The following IFNA8 variants were observed in gnomAD, a reference collection of about 807,000 sequenced individuals.
IFNA8 encodes the protein interferon alpha 8, also known as interferon alpha-8.
For missense variants in IFNA8, 246 were observed against 212.3 expected (o/e 1.16, Z -0.99); for synonymous variants, 91 against 84.4 (o/e 1.08, Z -0.43).
At position 21,409,430 on chromosome 9, in the gene IFNA8, A is replaced by G. The variant is rs1246754886; in HGVS notation, c.254A>G (p.Gln85Arg). 6.2e-7 allele frequency: 1 copy of G among 1,614,028 alleles called. No individual in the cohort carries two copies. The highest frequency in any genetic ancestry group is 8.5e-7 in the Non-Finnish European group (1 of 1,179,998). Residue 85 changes from glutamine (Q) to arginine (R), a missense_variant, in exon 1 of 1, where the codon CAG becomes CGG. Coordinates refer to ENST00000380205, the MANE Select transcript of IFNA8 (RefSeq NM_002170.4). Reference protein sequence around the residue: ...QAISVLHEMIQQTFNLFSTKD... With the variant: ...QAISVLHEMIRQTFNLFSTKD... The stretch of plus-strand genomic sequence containing the variant: ...ATCTCTGTCCTCCATGAGATGATCC[A>G]GCAGACCTTCAACCTCTTCAGCACA...
Position 21,409,361 on chromosome 9 carries a change from C to A in IFNA8, c.185C>A (p.Pro62His). 1 of 1,614,070 alleles carries A rather than the reference C, an allele frequency of 6.2e-7. No homozygotes were observed. Among genetic ancestry groups the A allele is most frequent in the African/African-American group, 1.3e-5 (1 of 75,020 alleles). The change falls in exon 1 of 1, where the codon CCC (proline) becomes CAC (histidine). Residue 62 changes from proline (P) to histidine (H), a missense_variant. Physicochemically the swap from Pro to His is moderately conservative, Grantham distance 77. Coordinates refer to ENST00000380205, the MANE Select transcript of IFNA8 (RefSeq NM_002170.4). ...CLKDRHDFEFPQEEFDDKQFQ... is the reference protein window; with the variant it reads ...CLKDRHDFEFHQEEFDDKQFQ... ...AAGGACAGACATGACTTTGAATTCC[C>A]CCAGGAGGAGTTTGATGATAAACAG...
chr9:21,409,357 T>A lies in IFNA8; in HGVS notation c.181T>A (p.Phe61Ile). 2 of 1,614,084 alleles carry A rather than the reference T, an allele frequency of 1.2e-6. No homozygotes were observed. Among genetic ancestry groups the A allele is most frequent in the Non-Finnish European group, 1.7e-6 (2 of 1,179,972 alleles). Reference sequence around the variant, plus strand: ...CCTGAAGGACAGACATGACTTTGAATTCCCCCAGGAGGAGTTTGATGATAA... The same window carrying A: ...CCTGAAGGACAGACATGACTTTGAAATCCCCCAGGAGGAGTTTGATGATAA... ...SCLKDRHDFE[F>I]PQEEFDDKQF... Residue 61 changes from phenylalanine to isoleucine, a missense_variant, in exon 1 of 1, where the codon TTC (phenylalanine) becomes ATC (isoleucine). By Grantham distance (21) the Phe-to-Ile change is conservative (BLOSUM62 0). Transcript: ENST00000380205.
rs749813454 is a variant in IFNA8, at chr9:21,409,341, C to T, written c.165C>T (p.Asp55=). Reference sequence around the variant, plus strand: ...TCTCTCCTTTCTCCTGCCTGAAGGACAGACATGACTTTGAATTCCCCCAGG... The same window carrying T: ...TCTCTCCTTTCTCCTGCCTGAAGGATAGACATGACTTTGAATTCCCCCAGG... The part of the protein sequence containing the change: ...RRISPFSCLK[D]RHDFEFPQEE... Residue 55 remains aspartate (D), a synonymous_variant, in exon 1 of 1, where the codon GAC becomes GAT. Transcript: ENST00000380205. 1 of 1,614,070 alleles carries T rather than the reference C, an allele frequency of 6.2e-7. No individual in the cohort carries two copies. Among genetic ancestry groups the T allele is most frequent in the Admixed American group, 1.7e-5 (1 of 60,012 alleles).
In IFNA8 at chr9:21,409,409, C is replaced by T; in HGVS notation, c.233C>T (p.Ser78Phe). The T allele has an allele frequency of 6.2e-7, 1 of 1,614,114 alleles. No individual in the cohort carries two copies. The change falls in exon 1 of 1, where the codon TCT becomes TTT. Residue 78 changes from serine to phenylalanine, a missense_variant. Ser to Phe is a radical substitution (Grantham distance 155). Transcript: ENST00000380205. ...DKQFQKAQAI[S>F]VLHEMIQQTF... ...CAGTTCCAGAAGGCTCAAGCCATCT[C>T]TGTCCTCCATGAGATGATCCAGCAG...
rs565695456 is a variant in IFNA8 at position 21,409,949 on chromosome 9, A to T, written c.*203A>T. The T allele has an allele frequency of 1.3e-5, 6 of 465,300 alleles. 1 individual carries two copies. In the East Asian group the frequency reaches 2.2e-4, roughly 17 times the overall value. 28.8% of individuals were successfully genotyped at this position (465,300 alleles called of 1,614,324 possible). On this transcript the variant is annotated 3_prime_UTR_variant, in exon 1 of 1. Transcript: ENST00000380205. ...CCCTTACAGATGACCATGCTGATGG[A>T]TCTATTCATCTATTTATTTAAATCT...
chr9:21,409,623 A>T lies in IFNA8; in HGVS notation c.447A>T (p.Arg149Ser). 1 of 1,613,938 alleles carries T rather than the reference A, an allele frequency of 6.2e-7. No individual in the cohort carries two copies. The highest frequency in any genetic ancestry group is 8.5e-7 in the Non-Finnish European group (1 of 1,179,854). The change falls in exon 1 of 1, where the codon AGA becomes AGT. Residue 149 changes from arginine to serine, a missense_variant. Physicochemically the swap from Arg to Ser is moderately radical, Grantham distance 110. Transcript: ENST00000380205. ...TGGCTGTGAGGAAATACTTCCAAAG[A>T]ATCACTCTATATCTGACAGAGAAGA... ...SILAVRKYFQ[R>S]ITLYLTEKKY...
rs1287779791 is a variant in IFNA8, at chr9:21,409,132, G to T, written c.-45G>T. 3 of 1,540,440 alleles carry T rather than the reference G, an allele frequency of 1.9e-6. No individual in the cohort carries two copies. Among genetic ancestry groups the T allele is most frequent in the Non-Finnish European group, 2.7e-6 (3 of 1,117,228 alleles). On this transcript the variant is annotated 5_prime_UTR_variant, in exon 1 of 1. It adds an upstream start codon to the 5' untranslated region. Transcript: ENST00000380205. ...CAAAGTCTTCAGAGACCCAGGTTAA[G>T]GGTCATCCATCTGAACCAGCTCAGC...
In IFNA8 at chr9:21,409,121, A is replaced by G. The variant is rs73649600; in HGVS notation, c.-56A>G. 8.6e-4 allele frequency: 1,248 copies of G among 1,455,410 alleles called. 8 individuals are homozygous for G. The African/African-American group carries it at 0.015, about 18-fold the overall frequency. The allele number at this position is 1,455,410 out of a possible 1,614,324, so 90.2% of individuals were successfully genotyped here. A position where few individuals can be genotyped will look rare whatever the true frequency, so the allele number is the denominator to read the frequency against. On this transcript the variant is annotated 5_prime_UTR_variant, in exon 1 of 1. Transcript: ENST00000380205. ...GGTGTACAAACCAAAGTCTTCAGAG[A>G]CCCAGGTTAAGGGTCATCCATCTGA...
Position 21,409,859 on chromosome 9 carries a change from A to C in IFNA8, c.*113A>C. 1 of 974,512 alleles carries C rather than the reference A, an allele frequency of 1.0e-6. No homozygotes were observed. The highest frequency in any genetic ancestry group is 1.6e-6 in the Non-Finnish European group (1 of 637,664). The allele number at this position is 974,512 out of a possible 1,614,324, so 60.4% of individuals were successfully genotyped here. A position where few individuals can be genotyped will look rare whatever the true frequency, so the allele number is the denominator to read the frequency against. On this transcript the variant is annotated 3_prime_UTR_variant, in exon 1 of 1. Transcript: ENST00000380205. ...CTGCCAAAACCATGCTATGAATTGAATCAAATGTGTCAAGTGTTTTCAGGA... is the reference window on the plus strand; with the variant it reads ...CTGCCAAAACCATGCTATGAATTGACTCAAATGTGTCAAGTGTTTTCAGGA...
rs776474533 is a variant in IFNA8, at chr9:21,409,382, A to G, written c.206A>G (p.Lys69Arg). ...TTCCCCCAGGAGGAGTTTGATGATA[A>G]ACAGTTCCAGAAGGCTCAAGCCATC... Reference protein sequence around the residue: ...FEFPQEEFDDKQFQKAQAISV... With the variant: ...FEFPQEEFDDRQFQKAQAISV... Residue 69 changes from lysine to arginine, a missense_variant, in exon 1 of 1, where the codon AAA (lysine) becomes AGA (arginine). Transcript: ENST00000380205. 1 of 1,614,034 alleles carries G rather than the reference A, an allele frequency of 6.2e-7. No individual in the cohort carries two copies. Among genetic ancestry groups the G allele is most frequent in the South Asian group, 1.1e-5 (1 of 91,078 alleles).
At position 21,409,182 on chromosome 9, in the gene IFNA8, C is replaced by G. The variant is rs1818009412; in HGVS notation, c.6C>G (p.Ala2=). The change falls in exon 1 of 1, where the codon GCC becomes GCG. Residue 2 remains alanine, a synonymous_variant. Transcript: ENST00000380205. The part of the protein sequence containing the change: M[A]LTFYLLVALV... ...CAGCATCCACAACATCTACAATGGC[C>G]TTGACTTTTTATTTACTGGTGGCCC... The G allele has an allele frequency of 1.9e-6, 3 of 1,613,684 alleles. No individual in the cohort carries two copies. Among genetic ancestry groups the G allele is most frequent in the African/African-American group, 1.3e-5 (1 of 74,894 alleles).
chr9:21,409,476 G>C lies in IFNA8; in HGVS notation c.300G>C (p.Leu100Phe). 1 of 1,614,042 alleles carries C rather than the reference G, an allele frequency of 6.2e-7. No homozygotes were observed. Among genetic ancestry groups the C allele is most frequent in the Non-Finnish European group, 8.5e-7 (1 of 1,179,972 alleles). ...GCACAAAGGACTCATCTGCTGCTTT[G>C]GATGAGACCCTTCTAGATGAATTCT... is the stretch of plus-strand genomic sequence containing the variant. ...LFSTKDSSAA[L>F]DETLLDEFYI... is the part of the protein sequence containing the mutation. The change falls in exon 1 of 1, where the codon TTG (leucine) becomes TTC (phenylalanine). Residue 100 changes from leucine (L) to phenylalanine (F), a missense_variant. Transcript: ENST00000380205.
the IFNA8 span, chr9:21,409,584 CGA>C: frequency 1.2e-6 from 2 of 1,613,938 alleles, no homozygotes; most frequent in Non-Finnish European, 1.7e-6. Context: ...CCCTGATGTA[CGA>C]GGACTCCATC....
chr9:21,409,303 C>T, the IFNA8 span: 1 of 1,614,054 alleles, frequency 6.2e-7, no homozygotes, highest in South Asian at 1.1e-5. Context: ...ACTCCTGGCA[C>T]AAATGCGAAG....
Position 21,409,551 on chromosome 9 carries a change from G to A in IFNA8, c.375G>A (p.Gln125=). The part of the protein sequence containing the change: ...QLNDLESCVM[Q]EVGVIESPLM... ...ATGACCTGGAGTCCTGTGTGATGCA[G>A]GAAGTGGGGGTGATAGAGTCTCCCC... Residue 125 remains glutamine, a synonymous_variant, in exon 1 of 1, where the codon CAG becomes CAA. Coordinates refer to ENST00000380205, the MANE Select transcript of IFNA8 (RefSeq NM_002170.4). 2 of 1,614,032 alleles carry A rather than the reference G, an allele frequency of 1.2e-6. No homozygotes were observed. Among genetic ancestry groups the A allele is most frequent in the Non-Finnish European group, 1.7e-6 (2 of 1,179,942 alleles).
Position 21,409,786 on chromosome 9 carries a change from C to G in IFNA8, c.*40C>G. The G allele has an allele frequency of 6.5e-7, 1 of 1,538,226 alleles. No homozygotes were observed. The highest frequency in any genetic ancestry group is 1.1e-5 in the South Asian group (1 of 88,054). ...CGGAAATGATTCTTATAGACTAATA[C>G]AGCAGCTCACACTTCGACAAGTTGT... On this transcript the variant is annotated 3_prime_UTR_variant, in exon 1 of 1. Transcript: ENST00000380205.
Position 21,409,193 on chromosome 9 carries a change from A to T in IFNA8, c.17A>T (p.Tyr6Phe). ...ACATCTACAATGGCCTTGACTTTTT[A>T]TTTACTGGTGGCCCTAGTGGTGCTC... MALTF[Y>F]LLVALVVLSY... The change falls in exon 1 of 1, where the codon TAT becomes TTT. Residue 6 changes from tyrosine to phenylalanine, a missense_variant. Coordinates refer to ENST00000380205, the MANE Select transcript of IFNA8 (RefSeq NM_002170.4). 6.2e-7 allele frequency: 1 copy of T among 1,613,804 alleles called. No homozygotes were observed. The highest frequency in any genetic ancestry group is 1.1e-5 in the South Asian group (1 of 91,060).
chr9:21,409,315 A>C lies in IFNA8; in HGVS notation c.139A>C (p.Ile47Leu), dbSNP rs777602673. Residue 47 changes from isoleucine to leucine, a missense_variant, in exon 1 of 1, where the codon ATC (isoleucine) becomes CTC (leucine). Transcript: ENST00000380205. ...ALILLAQMRRISPFSCLKDRH... is the reference protein window; with the variant it reads ...ALILLAQMRRLSPFSCLKDRH... ...GATACTCCTGGCACAAATGCGAAGAATCTCTCCTTTCTCCTGCCTGAAGGA... is the reference window on the plus strand; with the variant it reads ...GATACTCCTGGCACAAATGCGAAGACTCTCTCCTTTCTCCTGCCTGAAGGA... 1 of 1,614,092 alleles carries C rather than the reference A, an allele frequency of 6.2e-7. No homozygotes were observed. Among genetic ancestry groups the C allele is most frequent in the South Asian group, 1.1e-5 (1 of 91,078 alleles).
chr9:21,410,088 C>T lies in IFNA8; in HGVS notation c.*342C>T. On this transcript the variant is annotated 3_prime_UTR_variant, in exon 1 of 1. Coordinates refer to ENST00000380205, the MANE Select transcript of IFNA8 (RefSeq NM_002170.4). The stretch of plus-strand genomic sequence containing the variant: ...CATGTTCTTTATATTTATTATTTTG[C>T]CTTGTTTATTAAATTTTTACTATAG... 5.6e-6 allele frequency: 1 copy of T among 179,176 alleles called. No homozygotes were observed. The highest frequency in any genetic ancestry group is 1.3e-5 in the Non-Finnish European group (1 of 76,382). The allele number at this position is 179,176 out of a possible 1,614,324, so 11.1% of individuals were successfully genotyped here.
Sources: gnomAD v4.1 joint callset for allele counts on GRCh38, gnomAD v4.1.1 for gene constraint, MANE v1.5 for transcripts, NCBI Gene and HGNC (gene_info 2026-07-23, HGNC 2026-07-21) for gene names.